The following CADPS2 variants were observed in gnomAD, a reference collection of about 807,000 sequenced individuals.
CADPS2 encodes the protein calcium-dependent secretion activator 2.
CADPS2 carries 93 observed loss-of-function variants against 172.5 expected under a neutral mutation model. The observed-to-expected ratio is 0.54, with a 90% CI of 0.46 to 0.64. The LOEUF (loss-of-function observed/expected upper bound fraction) is 0.64, where lower values mean the gene tolerates loss of function less well. Among genes scored for constraint, CADPS2 ranks in the 30% least tolerant of loss-of-function variants. The pLI, the probability that CADPS2 is intolerant of heterozygous loss-of-function variation, is 0.00. For missense variants in CADPS2, 1,420 were observed against 1,565.9 expected (o/e 0.91, Z 1.57); for synonymous variants, 546 against 555.2 (o/e 0.98, Z 0.23).
At chr7:122,848,462 T>C (rs1305553800) in intron 1 of CADPS2, among the ~76,000 whole-genome samples, 1 of 152,180 alleles carries the variant, frequency 6.6e-6, no homozygotes, top group Non-Finnish European at 1.5e-5. Flanking sequence ...CTGAACGTTC[T>C]CACAGTAGAG....
intron 2 of CADPS2, among the ~76,000 whole-genome samples, chr7:122,677,458 C>T (rs1227309713): frequency 6.6e-6 from 1 of 152,104 alleles, no homozygotes; most frequent in Non-Finnish European, 1.5e-5. Flanking sequence ...GACGGGTGGG[C>T]TTTGTCAGGC....
At chr7:122,851,044 T>C (rs1813434959) in intron 1 of CADPS2, among the ~76,000 whole-genome samples, 1 of 152,254 alleles carries the variant, frequency 6.6e-6, no homozygotes, top group Non-Finnish European at 1.5e-5. Flanking sequence ...AACTCACATA[T>C]GTCACTTATC....
intron 17 of CADPS2, among the ~76,000 whole-genome samples, chr7:122,420,436 C>A (rs1585849705): frequency 6.6e-6 from 1 of 152,156 alleles, no homozygotes; most frequent in African/African-American, 2.4e-5. Flanking sequence ...ACATAATAGC[C>A]ACTCTAATAC....
In CADPS2 at chr7:122,663,495, T is replaced by C; in HGVS notation, c.528A>G (p.Val176=). The C allele has an allele frequency of 6.2e-7, 1 of 1,613,122 alleles. No individual in the cohort carries two copies. The highest frequency in any genetic ancestry group is 8.5e-7 in the Non-Finnish European group (1 of 1,179,414). Residue 176 remains valine, a synonymous_variant, in exon 3 of 30, where the codon GTA becomes GTG. Coordinates refer to ENST00000449022, the MANE Select transcript of CADPS2 (RefSeq NM_017954.11). The part of the protein sequence containing the change: ...GGCSANDFRE[V]FKKNIEKRVR... ...CACGTTTTTCTATGTTTTTCTTAAA[T>C]ACTTCTCTGAAGTCATTAGCAGAAC...
At chr7:122,880,751 C>T (rs1046057427) in intron 1 of CADPS2, among the ~76,000 whole-genome samples, 31 of 152,128 alleles carry the variant, frequency 2.0e-4, no homozygotes, top group African/African-American at 6.0e-4. Flanking sequence ...CTTCTTTTTC[C>T]TTAAGGAAAT....
chr7:122,338,890 A>C (rs1436859298), intron 28 of CADPS2: 1 of 151,738 alleles, frequency 6.6e-6, no homozygotes, highest in South Asian at 2.1e-4. Flanking sequence ...CCTCCGAAGT[A>C]GCTAGGACTA....
chr7:122,707,259 T>C (rs993497386), intron 2 of CADPS2, among the ~76,000 whole-genome samples: 1 of 151,964 alleles, frequency 6.6e-6, no homozygotes, highest in Non-Finnish European at 1.5e-5. Flanking sequence ...GAGGGCATCA[T>C]CTAGGCAGAA....
chr7:122,465,843 T>C (rs2055064299), intron 14 of CADPS2, among the ~76,000 whole-genome samples: 1 of 152,162 alleles, frequency 6.6e-6, no homozygotes, highest in Non-Finnish European at 1.5e-5. Flanking sequence ...CCAATCCTGA[T>C]AAAACCAGTA....
chr7:122,431,040 C>T (rs75960578), intron 17 of CADPS2, among the ~76,000 whole-genome samples: 1 of 152,180 alleles, frequency 6.6e-6, no homozygotes, highest in Admixed American at 6.5e-5. Flanking sequence ...TAGTGCTTCC[C>T]CCACTTCTTC....
At chr7:122,732,898 T>C (rs2091820785) in intron 2 of CADPS2, among the ~76,000 whole-genome samples, 1 of 146,282 alleles carries the variant, frequency 6.8e-6, no homozygotes, top group Non-Finnish European at 1.5e-5. Flanking sequence ...ATATATATTA[T>C]ATAATATACA....
intron 8 of CADPS2, among the ~76,000 whole-genome samples, chr7:122,536,330 C>T (rs1452664328): frequency 6.6e-6 from 1 of 151,912 alleles, no homozygotes; most frequent in Non-Finnish European, 1.5e-5. Context: ...AGATCATTGC[C>T]ACAGGACACT....
At chr7:122,655,441 C>G (rs2079632514) in intron 3 of CADPS2, among the ~76,000 whole-genome samples, 3 of 152,096 alleles carry the variant, frequency 2.0e-5, no homozygotes, top group Non-Finnish European at 4.4e-5. Context: ...CCTCTACCAG[C>G]AAAAAGATTA....
intron 7 of CADPS2, among the ~76,000 whole-genome samples, chr7:122,574,489 G>A: frequency 8.3e-6 from 1 of 120,298 alleles, no homozygotes; most frequent in Non-Finnish European, 1.7e-5. Flanking sequence ...CAACTAAGAA[G>A]TGTTGATACA....
chr7:122,772,840 G>A (rs2093744719), intron 1 of CADPS2, among the ~76,000 whole-genome samples: 1 of 152,068 alleles, frequency 6.6e-6, no homozygotes. Context: ...GCCATATAAA[G>A]TTACAAGAAA....
chr7:122,817,888 C>T (rs538065570), intron 1 of CADPS2, among the ~76,000 whole-genome samples: 2 of 151,500 alleles, frequency 1.3e-5, no homozygotes, highest in African/African-American at 4.9e-5. Flanking sequence ...CTCTGCGCCC[C>T]AATCCCTTAT....
intron 2 of CADPS2, among the ~76,000 whole-genome samples, chr7:122,688,471 C>G (rs572151622): frequency 1.3e-5 from 2 of 152,280 alleles, no homozygotes; most frequent in East Asian, 3.9e-4. Flanking sequence ...GAGTGGCAAA[C>G]AGCTGAAAGA....
chr7:122,884,654 G>C (rs532574197), intron 1 of CADPS2, among the ~76,000 whole-genome samples: 1 of 152,290 alleles, frequency 6.6e-6, no homozygotes, highest in African/African-American at 2.4e-5. Flanking sequence ...GTTTGTGTGT[G>C]TTTTAAAAAG....
intron 7 of CADPS2, among the ~76,000 whole-genome samples, chr7:122,555,325 T>G (rs1242432353): frequency 6.6e-6 from 1 of 152,072 alleles, no homozygotes; most frequent in Non-Finnish European, 1.5e-5. Context: ...CAACCCTCAC[T>G]TCACAGAATC....
intron 2 of CADPS2, among the ~76,000 whole-genome samples, chr7:122,712,887 T>C (rs563901608): frequency 4.6e-5 from 7 of 152,138 alleles, no homozygotes; most frequent in African/African-American, 1.4e-4. Context: ...TCTACTCATG[T>C]GGGCTCTGCT....
Sources: allele counts gnomAD v4.1 joint callset (sites outside exome capture counted in the v4.1 genomes callset), GRCh38; gene constraint gnomAD v4.1.1; transcripts MANE v1.5; gene names NCBI Gene and HGNC (gene_info 2026-07-23, HGNC 2026-07-21).